MAP4: variants seen among roughly 807,000 people sequenced by gnomAD.
MAP4 encodes microtubule-associated protein 4.
MAP4 carries 76 observed loss-of-function variants against 170.2 expected under a neutral mutation model. The ratio of observed to expected loss-of-function variants is 0.45; its 90% CI spans 0.37 to 0.54. MAP4 has a LOEUF of 0.54. Among genes scored for constraint, MAP4 ranks in the 20% least tolerant of loss-of-function variants. MAP4 has a pLI of 0.00. For missense variants in MAP4, 2,506 were observed against 2,748.0 expected, an observed-to-expected ratio of 0.91 and a Z score of 1.97; for synonymous variants, 909 against 994.5, an observed-to-expected ratio of 0.91 and a Z score of 1.62.
intron 3 of MAP4, among the ~76,000 whole-genome samples, chr3:47,945,713 T>C (rs1279765155): frequency 1.3e-5 from 2 of 151,932 alleles, no homozygotes; most frequent in Non-Finnish European, 2.9e-5. Flanking sequence ...TAAAATATTA[T>C]AATTTAATAT....
At chr3:47,977,835 C>A in intron 3 of MAP4, 30 bp downstream of exon 3, 3 of 1,503,484 alleles carry the variant, frequency 2.0e-6, no homozygotes, top group Non-Finnish European at 2.8e-6. Context: ...GCATCACCTA[C>A]ACATTTGGGG....
At chr3:48,071,328 G>C (rs2100140920) in intron 1 of MAP4, among the ~76,000 whole-genome samples, 1 of 151,912 alleles carries the variant, frequency 6.6e-6, no homozygotes, top group Non-Finnish European at 1.5e-5. Context: ...GATCGCTCGA[G>C]CTCAGGAGTT....
intron 3 of MAP4, chr3:47,973,487 G>T: frequency 1.0e-6 from 1 of 985,200 alleles, no homozygotes; most frequent in Non-Finnish European, 1.2e-6. Flanking sequence ...AAGTGAAACA[G>T]ATAGAGCTAA....
chr3:48,086,637 A>AAAAT (rs1028565540), intron 1 of MAP4, among the ~76,000 whole-genome samples: 1 of 152,190 alleles, frequency 6.6e-6, no homozygotes, highest in East Asian at 1.9e-4. Flanking sequence ...CCCTGTCTCA[A>AAAAT]AAATAAATAA....
At chr3:47,857,772 G>A (rs2066133254) in intron 17 of MAP4, among the ~76,000 whole-genome samples, 6 of 151,270 alleles carry the variant, frequency 4.0e-5, no homozygotes, top group Admixed American at 4.0e-4. Flanking sequence ...ACAGTGGTAC[G>A]ATCTCAGCTC....
intron 1 of MAP4, among the ~76,000 whole-genome samples, chr3:48,074,633 T>C (rs2154566589): frequency 6.9e-6 from 1 of 145,192 alleles, no homozygotes; most frequent in Middle Eastern, 3.5e-3. Context: ...CTCACCCTGA[T>C]GAGTAGCTAG....
chr3:47,879,686 C>T (rs2096309561), intron 10 of MAP4, among the ~76,000 whole-genome samples: 1 of 152,126 alleles, frequency 6.6e-6, no homozygotes, highest in Non-Finnish European at 1.5e-5. Context: ...ACCACCACCA[C>T]CACCTTAGCC....
intron 1 of MAP4, among the ~76,000 whole-genome samples, chr3:48,000,462 T>C (rs1312903856): frequency 1.3e-5 from 2 of 152,250 alleles, no homozygotes; most frequent in East Asian, 3.9e-4. Flanking sequence ...CTTGTGTTTG[T>C]CCAGAAATCT....
intron 1 of MAP4, among the ~76,000 whole-genome samples, chr3:48,068,670 G>T (rs1450620648): frequency 6.6e-6 from 1 of 152,148 alleles, no homozygotes; most frequent in African/African-American, 2.4e-5. Context: ...TGTAATCCCA[G>T]CTACTCGGAA....
chr3:47,851,168 G>C lies in MAP4; in HGVS notation c.*1766C>G, dbSNP rs559371191. On this transcript the variant is annotated 3_prime_UTR_variant, in exon 21 of 21. Coordinates refer to ENST00000683076, the MANE Select transcript of MAP4 (RefSeq NM_001385682.1). ...AAAACACTGGCTCCCTCATGTTCTT[G>C]GCACAGCAGAAGTGTTCTGCACATG... is the stretch of plus-strand genomic sequence containing the variant. The C allele has an allele frequency of 4.6e-5, 7 of 152,360 alleles. No homozygotes were observed. In the South Asian group the frequency reaches 1.4e-3, roughly 32 times the overall value. The allele number at this position is 152,360 out of a possible 1,614,324, so 9.4% of individuals were successfully genotyped here.
intron 1 of MAP4, among the ~76,000 whole-genome samples, chr3:48,073,753 A>G (rs2100142229): frequency 1.3e-5 from 2 of 152,202 alleles, no homozygotes; most frequent in Non-Finnish European, 2.9e-5. Context: ...ATCAAAAGGA[A>G]TAAAATACTA....
At chr3:48,039,518 A>G (rs577919311) in intron 1 of MAP4, 3 of 152,726 alleles carry the variant, frequency 2.0e-5, no homozygotes, top group South Asian at 4.1e-4. Flanking sequence ...GTGGGAAACT[A>G]TATCAATAAA....
chr3:47,883,216 G>A (rs764982075), intron 10 of MAP4, among the ~76,000 whole-genome samples: 2 of 152,084 alleles, frequency 1.3e-5, no homozygotes, highest in Admixed American at 6.6e-5. Context: ...AATTCATGAG[G>A]AGATAAGTCT....
At chr3:47,997,104 A>G (rs1157048944) in intron 2 of MAP4, among the ~76,000 whole-genome samples, 2 of 151,988 alleles carry the variant, frequency 1.3e-5, no homozygotes, top group Admixed American at 6.6e-5. Flanking sequence ...AAAACCAACA[A>G]TGCATCCAAG....
In MAP4 at chr3:47,909,929, C is replaced by T; in HGVS notation, c.4492G>A (p.Ala1498Thr). The T allele has an allele frequency of 6.2e-7, 1 of 1,613,950 alleles. No homozygotes were observed. Among genetic ancestry groups the T allele is most frequent in the South Asian group, 1.1e-5 (1 of 91,078 alleles). Residue 1498 changes from alanine to threonine, a missense_variant, in exon 9 of 21, where the codon GCT becomes ACT. By Grantham distance (58) the Ala-to-Thr change is moderately conservative. This residue lies in a region of MAP4 where 2,008 missense variants were observed against 2,206.0 expected (regional missense o/e 0.91). Transcript: ENST00000683076. ...PGQERPKGPS[A>T]VVPSTSTGGV... ...CCTGTGCTTGTAGAGGGCACAACAG[C>T]AGAGGGACCCTTGGGTCTTTCTTGA...
At chr3:47,945,765 G>T (rs1042711660) in intron 3 of MAP4, among the ~76,000 whole-genome samples, 7 of 151,550 alleles carry the variant, frequency 4.6e-5, no homozygotes, top group Non-Finnish European at 1.0e-4. Context: ...TGTCACCCAG[G>T]CTGGAGTGCA....
intron 17 of MAP4, among the ~76,000 whole-genome samples, chr3:47,863,921 G>GTGTGTGTGTGT (rs2073901008): frequency 1.8e-5 from 2 of 110,794 alleles, no homozygotes; most frequent in African/African-American, 9.1e-5. Flanking sequence ...TGTGGGTGTG[G>GTGTGTGTGTGT]GTGTGTGTGT....
chr3:48,083,721 A>G (rs1405836756), intron 1 of MAP4, among the ~76,000 whole-genome samples: 3 of 151,240 alleles, frequency 2.0e-5, no homozygotes, highest in African/African-American at 7.3e-5. Flanking sequence ...ATTAGTTTAC[A>G]GTAAGATTAA....
chr3:47,932,030 C>T (rs767487907), intron 3 of MAP4: 10 of 152,178 alleles, frequency 6.6e-5, no homozygotes, highest in Non-Finnish European at 1.2e-4. Context: ...TCACCACTAT[C>T]TAACTTCAGA....
Sources: gnomAD v4.1 joint callset for allele counts (sites outside exome capture counted in the v4.1 genomes callset) on GRCh38, gnomAD v4.1.1 for gene constraint, gnomAD v4.1.1 regional missense constraint, MANE v1.5 for transcripts, NCBI Gene and HGNC (gene_info 2026-07-23, HGNC 2026-07-21) for gene names.